Variants in TPRG1 observed in about 807,000 individuals in gnomAD.
TPRG1 encodes tumor protein p63-regulated gene 1 protein.
In TPRG1, 29 loss-of-function variants were observed where a neutral mutation model predicts 29.3. The ratio of observed to expected loss-of-function variants is 0.99; its 90% CI spans 0.74 to 1.35. TPRG1 has a LOEUF of 1.35. Ranked by LOEUF, TPRG1 falls within the 40% of genes most tolerant of loss-of-function variation. The pLI, the probability that TPRG1 is intolerant of heterozygous loss-of-function variation, is 0.00. For missense variants in TPRG1, 327 were observed against 335.0 expected, an observed-to-expected ratio of 0.98 and a Z score of 0.19; for synonymous variants, 130 against 116.8, an observed-to-expected ratio of 1.11 and a Z score of -0.73.
chr3:189,101,030 C>A lies in TPRG1; in HGVS notation c.-744+826C>A, dbSNP rs1163985267. ...TTTGAAGGCCATGCACTCTGCCAGG[C>A]CTCACATTCCAGCTCTCCTTGGCAG... On this transcript the variant is annotated intron_variant, in intron 1 of 6. Coordinates refer to the TPRG1 transcript ENST00000412373. Among the ~76,000 whole-genome samples the A allele has an allele frequency of 5.9e-5, 9 of 152,340 alleles. No homozygotes were observed. In the East Asian group the frequency reaches 1.7e-3, roughly 29 times the overall value.
intron 5 of TPRG1, among the ~76,000 whole-genome samples, chr3:189,312,493 A>G (rs1722874594): frequency 6.6e-6 from 1 of 152,140 alleles, no homozygotes; most frequent in Admixed American, 6.5e-5. Flanking sequence ...TTGTAAATCA[A>G]AATAAATACT....
intron 4 of TPRG1, among the ~76,000 whole-genome samples, chr3:189,243,716 C>T (rs1015442420): frequency 4.6e-5 from 7 of 152,150 alleles, no homozygotes; most frequent in Admixed American, 2.6e-4. Context: ...AAATTTCTTC[C>T]ACTAGATAAT....
chr3:189,262,203 GGTATAA>G (rs59142894), intron 4 of TPRG1, among the ~76,000 whole-genome samples: 21,807 of 141,398 alleles, frequency 0.15, 1,623 homozygotes, highest in Admixed American at 0.19. Context: ...GAGAAGACTT[GGTATAA>G]GTATAAGTAT....
intron 1 of TPRG1, among the ~76,000 whole-genome samples, chr3:189,126,042 G>T (rs1722449029): frequency 1.3e-5 from 2 of 152,066 alleles, no homozygotes; most frequent in African/African-American, 4.8e-5. Context: ...CACTGCCGAT[G>T]CCTGGAAGAG....
intron 4 of TPRG1, among the ~76,000 whole-genome samples, chr3:189,256,627 T>C (rs564491593): frequency 1.8e-4 from 27 of 152,298 alleles, no homozygotes; most frequent in African/African-American, 6.5e-4. Flanking sequence ...CCACTATTAT[T>C]GTGTGGGAGT....
rs1739704611 is a variant in TPRG1 at position 189,237,461 on chromosome 3, CTG to C, written c.303-1269_303-1268del. Among the ~76,000 whole-genome samples the C allele has an allele frequency of 3.9e-5, 6 of 152,256 alleles. No homozygotes were observed. The South Asian group carries it at 8.3e-4, about 21-fold the overall frequency. On this transcript the variant is annotated intron_variant, in intron 3 of 5. Coordinates refer to ENST00000345063, the MANE Select transcript of TPRG1 (RefSeq NM_198485.4). ...TTTATACTTCATTTCTTCTTACAAA[CTG>C]TGATAAATGCTGCAAAGAGGAAAAT...
chr3:189,242,558 G>C (rs1014289939), intron 4 of TPRG1, among the ~76,000 whole-genome samples: 1 of 152,048 alleles, frequency 6.6e-6, no homozygotes, highest in African/African-American at 2.4e-5. Flanking sequence ...GTGTTCATGA[G>C]GGGTATTAGT....
intron 3 of TPRG1, among the ~76,000 whole-genome samples, chr3:189,135,850 C>T (rs1723685063): frequency 6.6e-6 from 1 of 152,110 alleles, no homozygotes; most frequent in African/African-American, 2.4e-5. Context: ...TTAGAATGCC[C>T]TTCTTCCTGA....
At chr3:189,310,273 G>A (rs1211992300) in intron 4 of TPRG1, 113 bp from the exon 5 acceptor site, 2 of 871,762 alleles carry the variant, frequency 2.3e-6, no homozygotes, top group African/African-American at 3.5e-5. Context: ...AAAATCTTTT[G>A]AACAGTTTAA....
chr3:189,051,839 TG>T, intron 4 of TPRG1, among the ~76,000 whole-genome samples: 1 of 152,042 alleles, frequency 6.6e-6, no homozygotes. Flanking sequence ...AAACATAAAG[TG>T]GGGAAAGGAC....
In TPRG1 at chr3:189,320,742, C is replaced by G. The variant is rs372697318; in HGVS notation, c.750C>G (p.Thr250=). Residue 250 remains threonine (T), a synonymous_variant, in exon 6 of 6, where the codon ACC becomes ACG. Coordinates refer to ENST00000345063, the MANE Select transcript of TPRG1 (RefSeq NM_198485.4). ...TAACTGAACCCATTTTGATTGAGAC[C>G]TACACAGGGCTGATGTCATTCATTG... The part of the protein sequence containing the change: ...MVLTEPILIE[T]YTGLMSFIGN... 6 of 1,612,606 alleles carry G rather than the reference C, an allele frequency of 3.7e-6. No homozygotes were observed. The highest frequency in any genetic ancestry group is 5.1e-6 in the Non-Finnish European group (6 of 1,179,264).
At chr3:189,139,017 G>A (rs1724158698) in intron 3 of TPRG1, among the ~76,000 whole-genome samples, 1 of 152,142 alleles carries the variant, frequency 6.6e-6, no homozygotes, top group South Asian at 2.1e-4. Flanking sequence ...AAAAATCACT[G>A]TAGCTCAGCT....
intron 4 of TPRG1, among the ~76,000 whole-genome samples, chr3:189,149,915 T>C (rs1725716379): frequency 6.6e-6 from 1 of 152,242 alleles, no homozygotes; most frequent in Admixed American, 6.5e-5. Context: ...ATGTACGCAG[T>C]GTTTTCCACA....
In TPRG1 at chr3:189,076,580, C is replaced by T. The variant is rs563313333; in HGVS notation, c.-462-50477C>T. Among the ~76,000 whole-genome samples the T allele has an allele frequency of 3.4e-4, 52 of 151,812 alleles. 2 individuals are homozygous for T. In the South Asian group the frequency reaches 9.6e-3, roughly 28 times the overall value. ...TTGTATAAAAACAGAATGGGCTCAT[C>T]GCCATGAGCAGATGGTTAGTAAGTA... On this transcript the variant is annotated intron_variant, in intron 4 of 10. Coordinates refer to the TPRG1 transcript ENST00000433971.
At chr3:189,008,405 A>G (rs1449304295) in intron 3 of TPRG1, among the ~76,000 whole-genome samples, 1 of 152,172 alleles carries the variant, frequency 6.6e-6, no homozygotes, top group Non-Finnish European at 1.5e-5. Context: ...CTCTTCAAAT[A>G]TGATTGATGA....
At chr3:189,140,162 A>C (rs1724349500) in intron 3 of TPRG1, among the ~76,000 whole-genome samples, 1 of 152,218 alleles carries the variant, frequency 6.6e-6, no homozygotes, top group Non-Finnish European at 1.5e-5. Flanking sequence ...CAGCTTCACC[A>C]GATACACTTG....
chr3:189,297,536 G>A (rs370534010), intron 4 of TPRG1, among the ~76,000 whole-genome samples: 3 of 152,118 alleles, frequency 2.0e-5, no homozygotes, highest in Non-Finnish European at 4.4e-5. Flanking sequence ...TCACCTGGGA[G>A]CTCATTAGAT....
At chr3:189,306,193 A>G (rs1721604300) in intron 4 of TPRG1, among the ~76,000 whole-genome samples, 2 of 152,296 alleles carry the variant, frequency 1.3e-5, no homozygotes, top group Middle Eastern at 6.8e-3. Context: ...AGAACTTTGG[A>G]ATGTTTTAGA....
At chr3:189,207,231 C>A (rs947441642) in intron 1 of TPRG1, 145 bp from the exon 2 acceptor site, 1 of 1,416,528 alleles carries the variant, frequency 7.1e-7, no homozygotes, top group African/African-American at 1.4e-5. Flanking sequence ...GAAGCTGTAT[C>A]CACCAATGCC....
Sources: allele counts gnomAD v4.1 joint callset (sites outside exome capture counted in the v4.1 genomes callset), GRCh38; gene constraint gnomAD v4.1.1; transcripts MANE v1.5; gene names NCBI Gene and HGNC (gene_info 2026-07-23, HGNC 2026-07-21).